The following KCNH1 variants were observed in gnomAD, a reference collection of about 807,000 sequenced individuals.
KCNH1 encodes potassium voltage-gated channel subfamily H member 1, also known as voltage-gated delayed rectifier potassium channel KCNH1.
Under a neutral mutation model 69.2 loss-of-function variants are expected in KCNH1, and 27 were observed. That is an observed-to-expected ratio of 0.39 (90% CI 0.29 to 0.54). The LOEUF (loss-of-function observed/expected upper bound fraction) is 0.54. Among genes scored for constraint, KCNH1 ranks in the 20% least tolerant of loss-of-function variants. The probability of loss-of-function intolerance (pLI) is 0.68; values close to 1 mark genes in which losing one functional copy is unlikely to be tolerated. For missense variants in KCNH1, 798 were observed against 1,261.6 expected, an observed-to-expected ratio of 0.63 and a Z score of 5.57; for synonymous variants, 456 against 487.7, an observed-to-expected ratio of 0.93 and a Z score of 0.86.
intron 7 of KCNH1, among the ~76,000 whole-genome samples, chr1:210,891,460 A>G (rs1398584460): frequency 6.6e-6 from 1 of 152,112 alleles, no homozygotes; most frequent in African/African-American, 2.4e-5. Flanking sequence ...TAATGGGTGC[A>G]GCACACGAAC....
rs1691914716 is a variant in KCNH1, at chr1:211,133,484, G to A, written c.79+383C>T. 6.4e-6 allele frequency: 1 copy of A among 156,656 alleles called. No individual in the cohort carries two copies. The highest frequency in any genetic ancestry group is 2.4e-5 in the African/African-American group (1 of 41,664). 9.7% of individuals were successfully genotyped at this position (156,656 alleles called of 1,614,324 possible). A position where few individuals can be genotyped will look rare whatever the true frequency, so the allele number is the denominator to read the frequency against. Reference sequence around the variant, plus strand: ...GGCGGCGCCTCTGGGAGCAGCCCGGGAGCCCCAGAGCCTTCGCGGAAGGGT... The same window carrying A: ...GGCGGCGCCTCTGGGAGCAGCCCGGAAGCCCCAGAGCCTTCGCGGAAGGGT... On this transcript the variant is annotated intron_variant, in intron 1 of 10. Transcript: ENST00000271751. The surrounding 1 kb of genome is among the most constrained non-coding windows in gnomAD (Gnocchi z 5.4).
intron 6 of KCNH1, among the ~76,000 whole-genome samples, chr1:210,993,238 A>G (rs1473936959): frequency 6.6e-6 from 1 of 152,234 alleles, no homozygotes; most frequent in Non-Finnish European, 1.5e-5. Context: ...GCCTGGTGGG[A>G]GAGATGATGT....
chr1:211,002,338 GTATATATA>G (rs112118983), intron 6 of KCNH1, among the ~76,000 whole-genome samples: 150 of 87,834 alleles, frequency 1.7e-3, no homozygotes, highest in African/African-American at 8.7e-3. Flanking sequence ...GTGTGTGTGT[GTATATATA>G]TATATATACA....
chr1:210,885,497 T>C (rs1305693489), intron 7 of KCNH1, among the ~76,000 whole-genome samples: 2 of 123,188 alleles, frequency 1.6e-5, no homozygotes, highest in East Asian at 2.7e-4. Context: ...TGGGCAGGAG[T>C]TTTTTTTTTC....
intron 7 of KCNH1, among the ~76,000 whole-genome samples, chr1:210,842,862 C>G (rs1685439709): frequency 1.3e-5 from 2 of 152,162 alleles, no homozygotes; most frequent in Admixed American, 6.5e-5. Context: ...CCAGTACCAT[C>G]TTCTCTGTCC....
intron 9 of KCNH1, among the ~76,000 whole-genome samples, chr1:210,776,989 C>T (rs116073879): frequency 0.02 from 3,108 of 152,230 alleles, 109 homozygotes; most frequent in African/African-American, 0.07. Context: ...TTTGAATCCC[C>T]AGGGAGCCAA....
intron 7 of KCNH1, chr1:210,918,817 T>C (rs1410158454): frequency 6.6e-6 from 1 of 152,216 alleles, no homozygotes; most frequent in Non-Finnish European, 1.5e-5. Context: ...AAATTTTTCC[T>C]AGGAGCTACT....
intron 6 of KCNH1, among the ~76,000 whole-genome samples, chr1:210,978,396 C>A (rs942800220): frequency 1.3e-5 from 2 of 152,122 alleles, no homozygotes; most frequent in African/African-American, 4.8e-5. Flanking sequence ...ATAATAATTT[C>A]TTTGAAGAAT....
intron 5 of KCNH1, among the ~76,000 whole-genome samples, chr1:211,052,909 T>C (rs546680253): frequency 6.6e-6 from 1 of 152,342 alleles, no homozygotes; most frequent in South Asian, 2.1e-4. Flanking sequence ...GCCATCTCGC[T>C]CCTCATGCAC....
chr1:210,684,240 C>G, intron 10 of KCNH1, 102 bp from the exon 11 acceptor site: 2 of 1,244,680 alleles, frequency 1.6e-6, no homozygotes, highest in East Asian at 2.5e-5. Context: ...TGCTTCCAGT[C>G]CACCTGCCAC....
intron 6 of KCNH1, among the ~76,000 whole-genome samples, chr1:210,996,379 C>T (rs548976985): frequency 2.3e-4 from 35 of 152,322 alleles, no homozygotes; most frequent in African/African-American, 8.2e-4. Context: ...TGGAGTCTCG[C>T]TCATTGCTAG....
intron 5 of KCNH1, among the ~76,000 whole-genome samples, chr1:211,042,830 T>C (rs1690022232): frequency 6.6e-6 from 1 of 152,134 alleles, no homozygotes; most frequent in African/African-American, 2.4e-5. Flanking sequence ...TTCAAAGCCA[T>C]GCAAATACAT....
rs900296128 is a variant in KCNH1, at chr1:210,859,174, T to G, written c.1463-55008A>C. The G allele has an allele frequency of 3.9e-6, 6 of 1,550,996 alleles. No homozygotes were observed. The African/African-American group carries it at 8.1e-5, about 21-fold the overall frequency. On this transcript the variant is annotated intron_variant, in intron 7 of 10. Transcript: ENST00000271751. ...ACACAGTAGGAAAGAAAGAGATAAC[T>G]CAATTCATCCCTGGTACTGGGCCTC... is the stretch of plus-strand genomic sequence containing the variant.
At chr1:211,093,521 G>T (rs1691092705) in intron 3 of KCNH1, among the ~76,000 whole-genome samples, 1 of 152,058 alleles carries the variant, frequency 6.6e-6, no homozygotes, top group South Asian at 2.1e-4. Context: ...CCTGACCTCA[G>T]GTGATTCTCC....
chr1:211,009,048 C>T (rs1689343581), intron 6 of KCNH1, among the ~76,000 whole-genome samples: 1 of 152,150 alleles, frequency 6.6e-6, no homozygotes, highest in Non-Finnish European at 1.5e-5. Context: ...ACAGCAAGTA[C>T]CCCAAGGCCA....
chr1:211,099,822 A>G (rs944508716), intron 3 of KCNH1, among the ~76,000 whole-genome samples: 1 of 152,002 alleles, frequency 6.6e-6, no homozygotes, highest in Non-Finnish European at 1.5e-5. Context: ...TGGGGCTCCC[A>G]AACTAAGGGA....
chr1:211,048,702 G>A (rs1402810803), intron 5 of KCNH1, among the ~76,000 whole-genome samples: 1 of 152,100 alleles, frequency 6.6e-6, no homozygotes, highest in East Asian at 1.9e-4. Context: ...GGGGAATAAT[G>A]GGGGAGTGAG....
At chr1:211,021,311 A>T (rs969963777) in intron 5 of KCNH1, among the ~76,000 whole-genome samples, 1 of 151,904 alleles carries the variant, frequency 6.6e-6, no homozygotes, top group Non-Finnish European at 1.5e-5. Context: ...TATGGAAATA[A>T]AAAAAAATTA....
At chr1:210,768,132 G>GC (rs1278211478) in intron 10 of KCNH1, among the ~76,000 whole-genome samples, 1 of 152,158 alleles carries the variant, frequency 6.6e-6, no homozygotes, top group African/African-American at 2.4e-5. Flanking sequence ...AAAACTTTTA[G>GC]CACCTGATGG....
Sources: gnomAD v4.1 joint callset for allele counts (sites outside exome capture counted in the v4.1 genomes callset) on GRCh38, gnomAD v4.1.1 for gene constraint, Gnocchi (gnomAD v3.1) non-coding constraint, MANE v1.5 for transcripts, NCBI Gene and HGNC (gene_info 2026-07-23, HGNC 2026-07-21) for gene names.